TRPM3: variants seen among roughly 807,000 people sequenced by gnomAD.
TRPM3 encodes long transient receptor potential channel 3.
Under a neutral mutation model 181.2 loss-of-function variants are expected in TRPM3, and 77 were observed. That is an observed-to-expected ratio of 0.42 (90% CI 0.35 to 0.51). TRPM3 has a LOEUF of 0.51. Ranked by LOEUF, TRPM3 falls within the 20% of genes least tolerant of loss-of-function variation. TRPM3 has a pLI of 0.01. For synonymous variants in TRPM3, 745 were observed against 796.4 expected (o/e 0.94, Z 1.09); for missense variants, 1,759 against 2,196.7 (o/e 0.80, Z 3.98).
At chr9:71,294,499 T>C (rs1417416317) in intron 1 of TRPM3, among the ~76,000 whole-genome samples, 1 of 152,076 alleles carries the variant, frequency 6.6e-6, no homozygotes, top group Non-Finnish European at 1.5e-5. Flanking sequence ...GATATAAAGC[T>C]CCATGAATTT....
At chr9:70,775,889 A>G (rs2081267934) in intron 7 of TRPM3, 1 of 152,212 alleles carries the variant, frequency 6.6e-6, no homozygotes, top group East Asian at 1.9e-4. Flanking sequence ...TGATATGTGT[A>G]TACACTGTGG....
chr9:71,228,414 C>T (rs1038438075), intron 1 of TRPM3, among the ~76,000 whole-genome samples: 2 of 152,098 alleles, frequency 1.3e-5, no homozygotes, highest in African/African-American at 2.4e-5. Context: ...AGATCTGGAA[C>T]GTGACAAAGA....
At chr9:70,566,548 T>C (rs2050641434) in intron 22 of TRPM3, among the ~76,000 whole-genome samples, 1 of 152,178 alleles carries the variant, frequency 6.6e-6, no homozygotes, top group African/African-American at 2.4e-5. Flanking sequence ...TTTATTGTAA[T>C]CGTTTATTGG....
chr9:71,326,171 G>A (rs529132293), intron 1 of TRPM3, among the ~76,000 whole-genome samples: 3 of 152,164 alleles, frequency 2.0e-5, no homozygotes, highest in Non-Finnish European at 4.4e-5. Context: ...AACATATGTA[G>A]TTATTGAACT....
Position 70,535,104 on chromosome 9 carries a change from C to T in TRPM3, c.*849G>A, listed in dbSNP as rs993730049. ...GAATTCATCCATGACAGGTGAGATA[C>T]AAAATAAATTAAAAAATATAAAATT... On this transcript the variant is annotated 3_prime_UTR_variant, in exon 26 of 26. Coordinates refer to ENST00000677713, the MANE Select transcript of TRPM3 (RefSeq NM_001366145.2). The T allele has an allele frequency of 1.1e-5, 2 of 177,038 alleles. No individual in the cohort carries two copies. Among genetic ancestry groups the T allele is most frequent in the Admixed American group, 1.2e-4 (2 of 16,514 alleles). 11.0% of individuals were successfully genotyped at this position (177,038 alleles called of 1,614,324 possible).
chr9:70,754,122 G>A (rs1341828615), intron 8 of TRPM3, among the ~76,000 whole-genome samples: 2 of 152,148 alleles, frequency 1.3e-5, no homozygotes, highest in Non-Finnish European at 2.9e-5. Context: ...GAGCTCAGAG[G>A]ACAGACAGGA....
At chr9:71,249,969 C>T (rs1188032365) in intron 1 of TRPM3, among the ~76,000 whole-genome samples, 1 of 152,210 alleles carries the variant, frequency 6.6e-6, no homozygotes, top group African/African-American at 2.4e-5. Flanking sequence ...TCATTTTAGA[C>T]TGGTAAAACT....
In TRPM3 at chr9:70,647,979, G is replaced by T. The variant is rs185640352; in HGVS notation, c.1346-7319C>A. ...AGAATAAAGTATTTAGGAATACCTA[G>T]CAAACAAGGGAGGTGAAAGATCTCT... On this transcript the variant is annotated intron_variant, in intron 9 of 25. Transcript: ENST00000677713. 6.6e-5 allele frequency among the ~76,000 whole-genome samples: 10 copies of T among 152,274 alleles called. No homozygotes were observed. The East Asian group carries it at 1.9e-3, about 29-fold the overall frequency.
rs374800413 is a variant in TRPM3, at chr9:70,614,922, C to T, written c.2526+986G>A. 1.2e-4 allele frequency among the ~76,000 whole-genome samples: 19 copies of T among 152,262 alleles called. No individual in the cohort carries two copies. The South Asian group carries it at 3.7e-3, about 30-fold the overall frequency. ...ACAGTCGTCTGTTACAGAGCTGAGC[C>T]GACTCCTCCACAGATTTTTATACAA... On this transcript the variant is annotated intron_variant, in intron 18 of 25. Transcript: ENST00000677713.
chr9:70,638,007 A>C (rs2057487415), intron 11 of TRPM3, among the ~76,000 whole-genome samples: 1 of 152,150 alleles, frequency 6.6e-6, no homozygotes, highest in South Asian at 2.1e-4. Context: ...AAAGTATAAT[A>C]ATAATCACAA....
chr9:71,197,725 T>C (rs1339363811), intron 1 of TRPM3, among the ~76,000 whole-genome samples: 1 of 151,136 alleles, frequency 6.6e-6, no homozygotes, highest in Non-Finnish European at 1.5e-5. Flanking sequence ...GTTGTTTGTT[T>C]TTTTCTTGTA....
chr9:71,300,078 T>G (rs1224481823), intron 1 of TRPM3, among the ~76,000 whole-genome samples: 2 of 152,122 alleles, frequency 1.3e-5, no homozygotes, highest in Non-Finnish European at 2.9e-5. Flanking sequence ...TGCTTGGAGC[T>G]GTAAAGAACC....
intron 1 of TRPM3, among the ~76,000 whole-genome samples, chr9:71,426,379 T>C (rs1307241270): frequency 1.2e-4 from 18 of 151,970 alleles, no homozygotes; most frequent in Non-Finnish European, 2.6e-4. Context: ...TTACCTAACT[T>C]GTTTTTCTCA....
At chr9:70,828,392 C>T (rs528074357) in intron 5 of TRPM3, among the ~76,000 whole-genome samples, 10 of 152,242 alleles carry the variant, frequency 6.6e-5, no homozygotes, top group African/African-American at 1.9e-4. Context: ...CTTTCTCTAT[C>T]ATGTCCATAC....
chr9:70,862,446 G>C (rs1251682058), intron 3 of TRPM3, among the ~76,000 whole-genome samples: 1 of 152,144 alleles, frequency 6.6e-6, no homozygotes, highest in Non-Finnish European at 1.5e-5. Flanking sequence ...AACAAGGAAA[G>C]AAATAGGTGG....
At chr9:70,771,721 G>A (rs530799471) in intron 7 of TRPM3, among the ~76,000 whole-genome samples, 1 of 152,296 alleles carries the variant, frequency 6.6e-6, no homozygotes, top group East Asian at 1.9e-4. Flanking sequence ...TACCTGGACT[G>A]TGCATATAAT....
intron 1 of TRPM3, among the ~76,000 whole-genome samples, chr9:71,206,042 G>A (rs1465852006): frequency 6.6e-6 from 1 of 151,824 alleles, no homozygotes; most frequent in Non-Finnish European, 1.5e-5. Context: ...AGCTTATCAT[G>A]TAAGGAAAAT....
At chr9:71,094,673 T>C (rs1255498568) in intron 1 of TRPM3, among the ~76,000 whole-genome samples, 1 of 152,022 alleles carries the variant, frequency 6.6e-6, no homozygotes, top group Non-Finnish European at 1.5e-5. Context: ...AGCAATCTTA[T>C]ATATAAGTCT....
At chr9:71,150,756 T>C (rs1251331656) in intron 1 of TRPM3, among the ~76,000 whole-genome samples, 1 of 152,090 alleles carries the variant, frequency 6.6e-6, no homozygotes, top group Non-Finnish European at 1.5e-5. Flanking sequence ...CAAATATGTT[T>C]ATCTAAATCA....
Sources: allele counts gnomAD v4.1 joint callset (sites outside exome capture counted in the v4.1 genomes callset), GRCh38; gene constraint gnomAD v4.1.1; transcripts MANE v1.5; gene names NCBI Gene and HGNC (gene_info 2026-07-23, HGNC 2026-07-21).